Variants in CCDC7 observed in about 807,000 individuals in gnomAD.
The protein encoded by CCDC7 is coiled-coil domain-containing protein 7.
A neutral mutation model predicts 196.9 loss-of-function variants in CCDC7; 183 were observed. The ratio of observed to expected loss-of-function variants is 0.93; its 90% CI spans 0.82 to 1.05. The LOEUF (loss-of-function observed/expected upper bound fraction) is 1.05, where lower values mean the gene tolerates loss of function less well. Ranked by LOEUF, CCDC7 falls within the 50% of genes least tolerant of loss-of-function variation. The pLI, the probability that CCDC7 is intolerant of heterozygous loss-of-function variation, is 0.00. For synonymous variants in CCDC7, 525 were observed against 484.6 expected (o/e 1.08, Z -1.10); for missense variants, 1,540 against 1,482.2 (o/e 1.04, Z -0.64).
At chr10:32,546,992 C>T (rs1258838028) in intron 13 of CCDC7, among the ~76,000 whole-genome samples, 1 of 151,930 alleles carries the variant, frequency 6.6e-6, no homozygotes, top group African/African-American at 2.4e-5. Flanking sequence ...CCTCCTCCTC[C>T]TCCTCTTCTT....
chr10:32,727,002 A>G (rs7078421), intron 26 of CCDC7, among the ~76,000 whole-genome samples, 170 bp downstream of exon 27: 52,119 of 152,024 alleles, frequency 0.34, 11,332 homozygotes, highest in Non-Finnish European at 0.49. Flanking sequence ...TGTTAACTTC[A>G]TGTTGGAGTT....
chr10:32,657,203 T>A (rs1453644266), intron 20 of CCDC7, among the ~76,000 whole-genome samples: 1 of 152,172 alleles, frequency 6.6e-6, no homozygotes, highest in African/African-American at 2.4e-5. Flanking sequence ...TGTCAGTGGA[T>A]CTTCCATTCT....
At chr10:32,482,789 G>A (rs1429357433) in intron 8 of CCDC7, among the ~76,000 whole-genome samples, 1 of 152,052 alleles carries the variant, frequency 6.6e-6, no homozygotes, top group Non-Finnish European at 1.5e-5. Flanking sequence ...GAGAATGATG[G>A]TTTCCAGCTT....
chr10:32,769,798 A>C (rs946040875), intron 28 of CCDC7, among the ~76,000 whole-genome samples: 14 of 152,222 alleles, frequency 9.2e-5, no homozygotes, highest in African/African-American at 3.1e-4. Flanking sequence ...ATGTCCCTGC[A>C]AAAGACATGA....
intron 31 of CCDC7, among the ~76,000 whole-genome samples, chr10:32,815,776 C>A (rs1041045167): frequency 2.6e-5 from 4 of 152,142 alleles, no homozygotes; most frequent in African/African-American, 7.2e-5. Flanking sequence ...TAGAAGAGAA[C>A]CCCAGTGAGA....
At chr10:32,524,368 T>C (rs1468734768) in intron 11 of CCDC7, among the ~76,000 whole-genome samples, 1 of 152,214 alleles carries the variant, frequency 6.6e-6, no homozygotes, top group Non-Finnish European at 1.5e-5. Context: ...TATTTTTGTT[T>C]GTTTTATCAC....
intron 40 of CCDC7, 101 bp from the exon 42 acceptor site, chr10:32,854,299 G>T: frequency 2.9e-6 from 2 of 690,152 alleles, no homozygotes; most frequent in Non-Finnish European, 4.8e-6. Flanking sequence ...AAAGTTGTAA[G>T]GAAACTGTGT....
Position 32,484,055 on chromosome 10 carries a change from G to A in CCDC7, c.797-7867G>A, listed in dbSNP as rs4402193. Among the ~76,000 whole-genome samples, 747 of 152,240 alleles carry A rather than the reference G, an allele frequency of 4.9e-3. 11 individuals carry two copies. Among genetic ancestry groups the A allele is most frequent in the East Asian group, 0.036 (184 of 5,182 alleles). ...AAGAAAGTCATTGGTAGCTTGATGC[G>A]GATGGCATTGAATCTATAAATTACC... On this transcript the variant is annotated intron_variant, in intron 8 of 41. Coordinates refer to ENST00000639629, the Ensembl canonical transcript of CCDC7.
At chr10:32,515,150 T>C (rs1256402355) in intron 9 of CCDC7, among the ~76,000 whole-genome samples, 1 of 152,186 alleles carries the variant, frequency 6.6e-6, no homozygotes. Context: ...ATAGCAATAC[T>C]TCCCAAATTG....
At chr10:32,447,956 T>C (rs1184911227), upstream of CCDC7, among the ~76,000 whole-genome samples, 3 of 152,206 alleles carry the variant, frequency 2.0e-5, no homozygotes, top group Admixed American at 6.5e-5. Flanking sequence ...GTTCAAGTTC[T>C]ATAATGTGTT....
intron 22 of CCDC7, among the ~76,000 whole-genome samples, chr10:32,687,696 C>G (rs7914723): frequency 3.9e-5 from 6 of 152,154 alleles, no homozygotes; most frequent in Non-Finnish European, 7.3e-5. Context: ...TATACATCCT[C>G]AGGTGCCACT....
chr10:32,590,263 T>C (rs2059661401), intron 18 of CCDC7, among the ~76,000 whole-genome samples: 1 of 152,076 alleles, frequency 6.6e-6, no homozygotes, highest in African/African-American at 2.4e-5. Flanking sequence ...ACCATGAGGC[T>C]TGCAAATCAT....
chr10:32,746,738 C>T (rs2074812283), intron 28 of CCDC7, among the ~76,000 whole-genome samples: 1 of 152,168 alleles, frequency 6.6e-6, no homozygotes, highest in Admixed American at 6.5e-5. Flanking sequence ...AAAGCTTCTG[C>T]AGAGGGACCC....
intron 18 of CCDC7, among the ~76,000 whole-genome samples, chr10:32,597,574 C>A (rs1216335978): frequency 6.6e-6 from 1 of 152,196 alleles, no homozygotes; most frequent in Non-Finnish European, 1.5e-5. Context: ...GTGAGGAGCT[C>A]TGTTTCTTTG....
chr10:32,798,956 G>A (rs747090341), intron 29 of CCDC7, among the ~76,000 whole-genome samples: 5 of 152,206 alleles, frequency 3.3e-5, no homozygotes, highest in Non-Finnish European at 7.3e-5. Flanking sequence ...AGAGAAGGCA[G>A]GGTGGCAGGA....
intron 21 of CCDC7, among the ~76,000 whole-genome samples, chr10:32,672,388 C>A (rs1195163067): frequency 6.6e-6 from 1 of 152,154 alleles, no homozygotes; most frequent in Non-Finnish European, 1.5e-5. Context: ...CTTGCTGTGA[C>A]AACGATTCCC....
chr10:32,837,341 C>T (rs549392789), intron 33 of CCDC7, among the ~76,000 whole-genome samples: 27 of 152,084 alleles, frequency 1.8e-4, no homozygotes, highest in African/African-American at 6.0e-4. Context: ...TCATCACTGG[C>T]CATCAGAGAA....
At chr10:32,533,602 C>T (rs970171089) in intron 11 of CCDC7, among the ~76,000 whole-genome samples, 2 of 151,534 alleles carry the variant, frequency 1.3e-5, no homozygotes, top group Non-Finnish European at 2.9e-5. Flanking sequence ...GTTGTGAATT[C>T]TCTCAGCTTT....
chr10:32,602,362 C>T (rs2061141659), intron 18 of CCDC7, among the ~76,000 whole-genome samples: 2 of 151,916 alleles, frequency 1.3e-5, no homozygotes, highest in African/African-American at 4.8e-5. Context: ...GAGGGTCTGT[C>T]GCTTCATTCT....
Sources: gnomAD v4.1 joint callset for allele counts (sites outside exome capture counted in the v4.1 genomes callset) on GRCh38, gnomAD v4.1.1 for gene constraint, MANE v1.5 for transcripts, NCBI Gene and HGNC (gene_info 2026-07-23, HGNC 2026-07-21) for gene names.